EIPR1: variants seen among roughly 807,000 people sequenced by gnomAD.
The protein encoded by EIPR1 is EARP complex and GARP complex interacting protein 1, also known as EARP and GARP complex-interacting protein 1.
Under a neutral mutation model 48.1 loss-of-function variants are expected in EIPR1, and 25 were observed. That is an observed-to-expected ratio of 0.52 (90% CI 0.38 to 0.73). The LOEUF (loss-of-function observed/expected upper bound fraction) is 0.73. Among genes scored for constraint, EIPR1 ranks in the 30% least tolerant of loss-of-function variants. EIPR1 has a pLI of 0.00. For synonymous variants in EIPR1, 204 were observed against 201.9 expected (o/e 1.01, Z -0.09); for missense variants, 415 against 506.2 (o/e 0.82, Z 1.73).
chr2:3,258,787 A>T (rs779807026), intron 3 of EIPR1, among the ~76,000 whole-genome samples: 1 of 152,260 alleles, frequency 6.6e-6, no homozygotes, highest in Non-Finnish European at 1.5e-5. Context: ...ACCATTTTAT[A>T]TACCATATTG....
At chr2:3,314,422 C>T (rs986907816) in intron 3 of EIPR1, among the ~76,000 whole-genome samples, 1 of 152,174 alleles carries the variant, frequency 6.6e-6, no homozygotes, top group Non-Finnish European at 1.5e-5. Context: ...CATGGGTGGA[C>T]ATTTATTATT....
At chr2:3,278,156 G>A (rs1041034168) in intron 3 of EIPR1, among the ~76,000 whole-genome samples, 5 of 152,196 alleles carry the variant, frequency 3.3e-5, no homozygotes, top group South Asian at 2.1e-4. Context: ...CTCCAGGTAC[G>A]AGGCACAGGC....
At position 3,277,530 on chromosome 2, in the gene EIPR1, C is replaced by T. The variant is rs192247474; in HGVS notation, c.260-20075G>A. On this transcript the variant is annotated intron_variant, in intron 3 of 8. Coordinates refer to ENST00000382125, the MANE Select transcript of EIPR1 (RefSeq NM_003310.5). ...GCCCTGCCTGTGTGGCCTTCACCTA[C>T]GTGCTTTACAAATAAGAACTCACTT... 1.2e-3 allele frequency among the ~76,000 whole-genome samples: 177 copies of T among 152,358 alleles called. 1 individual carries two copies. The highest frequency in any genetic ancestry group is 2.0e-3 in the Non-Finnish European group (137 of 68,044).
intron 4 of EIPR1, among the ~76,000 whole-genome samples, chr2:3,219,025 T>C (rs1301819388): frequency 7.5e-5 from 9 of 119,356 alleles, no homozygotes; most frequent in African/African-American, 9.8e-5. Flanking sequence ...GACCCTGGTA[T>C]ACTCTAGAGC....
At chr2:3,252,354 G>T (rs760049521) in intron 4 of EIPR1, among the ~76,000 whole-genome samples, 4 of 152,226 alleles carry the variant, frequency 2.6e-5, no homozygotes, top group Admixed American at 6.5e-5. Context: ...ACTTTCGGAG[G>T]CTGAGGTGGG....
intron 4 of EIPR1, among the ~76,000 whole-genome samples, chr2:3,224,537 C>T (rs1198043501): frequency 6.6e-6 from 1 of 152,178 alleles, no homozygotes; most frequent in Non-Finnish European, 1.5e-5. Flanking sequence ...CCAGGCTCTG[C>T]TGCAGGGCCC....
intron 3 of EIPR1, among the ~76,000 whole-genome samples, chr2:3,334,910 G>C (rs549196259): frequency 1.3e-5 from 2 of 152,332 alleles, no homozygotes; most frequent in East Asian, 3.9e-4. Flanking sequence ...ACGAGATCCA[G>C]GGTAACTTGA....
chr2:3,220,929 T>C (rs980817373), intron 4 of EIPR1, among the ~76,000 whole-genome samples: 32 of 141,298 alleles, frequency 2.3e-4, no homozygotes, highest in Admixed American at 2.9e-4. Flanking sequence ...CCATGGTACA[T>C]TTTACAGCAT....
At chr2:3,225,728 ATGAGGTGT>A (rs1274701225) in intron 4 of EIPR1, among the ~76,000 whole-genome samples, 1 of 152,208 alleles carries the variant, frequency 6.6e-6, no homozygotes, top group Non-Finnish European at 1.5e-5. Context: ...CGTGCTGTAC[ATGAGGTGT>A]CCAGAATGTA....
At position 3,190,683 on chromosome 2, in the gene EIPR1, C is replaced by T. The variant is rs568338445; in HGVS notation, c.990-1175G>A. ...GACAGACATGGTGAGGAAGTGCAGACTCCCTGGGCCACTGGCAGAGAGGAC... is the reference window on the plus strand; with the variant it reads ...GACAGACATGGTGAGGAAGTGCAGATTCCCTGGGCCACTGGCAGAGAGGAC... On this transcript the variant is annotated intron_variant, in intron 8 of 8. Coordinates refer to ENST00000382125, the MANE Select transcript of EIPR1 (RefSeq NM_003310.5). Among the ~76,000 whole-genome samples, 6 of 152,310 alleles carry T rather than the reference C, an allele frequency of 3.9e-5. No homozygotes were observed. The South Asian group carries it at 1.2e-3, about 32-fold the overall frequency.
At chr2:3,319,601 G>A (rs1432788853) in intron 3 of EIPR1, 3 of 163,288 alleles carry the variant, frequency 1.8e-5, no homozygotes, top group Non-Finnish European at 4.0e-5. Context: ...CACTCTCCAT[G>A]CCCAAGTACC....
At chr2:3,311,782 G>T (rs1257016023) in intron 3 of EIPR1, among the ~76,000 whole-genome samples, 15 of 151,694 alleles carry the variant, frequency 9.9e-5, no homozygotes. Flanking sequence ...ATGCTGTGGT[G>T]GGGGGCTCCA....
At chr2:3,225,997 A>G (rs1023838392) in intron 4 of EIPR1, among the ~76,000 whole-genome samples, 1 of 152,100 alleles carries the variant, frequency 6.6e-6, no homozygotes, top group Non-Finnish European at 1.5e-5. Context: ...ACAATATTCC[A>G]CTCTATATGT....
intron 1 of EIPR1, among the ~76,000 whole-genome samples, chr2:3,362,562 G>A (rs1670875476): frequency 6.6e-6 from 1 of 150,726 alleles, no homozygotes; most frequent in Non-Finnish European, 1.5e-5. Flanking sequence ...TTTCTTTCCT[G>A]TCAGACTCTG....
chr2:3,234,809 T>C (rs1666349585), intron 4 of EIPR1, among the ~76,000 whole-genome samples: 1 of 152,222 alleles, frequency 6.6e-6, no homozygotes, highest in Non-Finnish European at 1.5e-5. Context: ...ACCTGCTCTC[T>C]TGAGTGTCAA....
chr2:3,302,399 C>T (rs955773109), intron 3 of EIPR1, among the ~76,000 whole-genome samples: 10 of 152,160 alleles, frequency 6.6e-5, no homozygotes, highest in African/African-American at 2.4e-4. Flanking sequence ...TGGCAAACTG[C>T]GGTTTCAAGC....
At chr2:3,196,206 C>G (rs1305939283) in intron 6 of EIPR1, among the ~76,000 whole-genome samples, 2 of 152,210 alleles carry the variant, frequency 1.3e-5, no homozygotes, top group African/African-American at 2.4e-5. Flanking sequence ...GTTGTGCCCC[C>G]ACCCTGGAAT....
intron 2 of EIPR1, among the ~76,000 whole-genome samples, chr2:3,349,918 G>A (rs1025501819): frequency 2.0e-5 from 3 of 152,184 alleles, no homozygotes; most frequent in Non-Finnish European, 2.9e-5. Flanking sequence ...GAAGTCAGGA[G>A]TTTGAGACCA....
chr2:3,319,748 GC>G (rs1669445431), intron 3 of EIPR1: 1 of 149,968 alleles, frequency 6.7e-6, no homozygotes, highest in African/African-American at 3.0e-5. Flanking sequence ...ACACCTGCGG[GC>G]AACACCGCAC....
Sources: allele counts gnomAD v4.1 joint callset (sites outside exome capture counted in the v4.1 genomes callset), GRCh38; gene constraint gnomAD v4.1.1; transcripts MANE v1.5; gene names NCBI Gene and HGNC (gene_info 2026-07-23, HGNC 2026-07-21).